The following ERC1 variants were observed in gnomAD, a reference collection of about 807,000 sequenced individuals.
The protein encoded by ERC1 is RAB6 interacting protein 2.
A neutral mutation model predicts 132.0 loss-of-function variants in ERC1; 56 were observed. The observed-to-expected ratio is 0.42, with a 90% CI of 0.34 to 0.53. ERC1 has a LOEUF of 0.53. ERC1 is among the 20% of genes least tolerant of loss of function. ERC1 has a pLI of 0.03. For synonymous variants in ERC1, 478 were observed against 476.1 expected, an observed-to-expected ratio of 1.00 and a Z score of -0.05; for missense variants, 1,202 against 1,349.9, an observed-to-expected ratio of 0.89 and a Z score of 1.72.
intron 8 of ERC1, among the ~76,000 whole-genome samples, chr12:1,173,935 G>A (rs1174953945): frequency 6.6e-6 from 1 of 151,898 alleles, no homozygotes; most frequent in African/African-American, 2.4e-5. Flanking sequence ...TGCAGTCAGT[G>A]GGGCTCAGCT....
intron 14 of ERC1, among the ~76,000 whole-genome samples, chr12:1,277,895 T>A (rs1296669082): frequency 3.3e-5 from 5 of 152,226 alleles, no homozygotes; most frequent in African/African-American, 9.6e-5. Context: ...CAGTTCACGA[T>A]CATCTTCTCT....
chr12:1,439,599 A>G lies in ERC1; in HGVS notation c.3025-4963A>G, dbSNP rs140870684. ...TTGGCATCATATTTGGTACAAGCAA[A>G]TATCATGACGAGTTCATTTTTTAAC... On this transcript the variant is annotated intron_variant, in intron 17 of 18. Coordinates refer to ENST00000360905, the MANE Select transcript of ERC1 (RefSeq NM_178040.4). Among the ~76,000 whole-genome samples the G allele has an allele frequency of 1.6e-3, 244 of 152,322 alleles. 1 individual carries two copies. The highest frequency in any genetic ancestry group is 1.0e-3 in the Non-Finnish European group (69 of 68,036).
chr12:1,464,876 A>G (rs1383458853), intron 18 of ERC1, among the ~76,000 whole-genome samples: 2 of 152,040 alleles, frequency 1.3e-5, no homozygotes, highest in African/African-American at 4.8e-5. Flanking sequence ...GGACTCTTTA[A>G]AAAAGAGTCC....
chr12:1,444,890 G>T (rs2093261695), intron 18 of ERC1, 140 bp downstream of exon 18: 2 of 651,426 alleles, frequency 3.1e-6, no homozygotes. Context: ...TCCCGTTGCT[G>T]TGTAGGTTCA....
rs780385206 is a variant in ERC1, at chr12:1,058,796, T to TTTG, written c.670-24366_670-24365insGTT. On this transcript the variant is annotated intron_variant, in intron 2 of 18. Transcript: ENST00000360905. ...GTTTGCTTTGGAAAGTATGTTTTTT[T>TTTG]TTTTTTTTTTTAAGAGACGAGGTCT... Among the ~76,000 whole-genome samples, 58 of 150,326 alleles carry TTTG rather than the reference T, an allele frequency of 3.9e-4. 1 individual carries two copies. Among genetic ancestry groups the TTTG allele is most frequent in the Non-Finnish European group, 7.7e-4 (52 of 67,544 alleles).
chr12:1,083,207 T>C lies in ERC1; in HGVS notation c.713T>C (p.Ile238Thr). 1 of 1,614,102 alleles carries C rather than the reference T, an allele frequency of 6.2e-7. No homozygotes were observed. Among genetic ancestry groups the C allele is most frequent in the South Asian group, 1.1e-5 (1 of 91,070 alleles). Residue 238 changes from isoleucine to threonine, a missense_variant, in exon 3 of 19, where the codon ATC (isoleucine) becomes ACC (threonine). By Grantham distance (89) the Ile-to-Thr change is moderately conservative. Coordinates refer to ENST00000360905, the MANE Select transcript of ERC1 (RefSeq NM_178040.4). ...TIQALQDELR[I>T]QRDLNQLFQQ... ...CAGGCTCTCCAGGATGAATTGCGGA[T>C]CCAGAGGGACCTGAATCAGCTGTTT...
At chr12:1,128,552 A>C (rs1403150464) in intron 7 of ERC1, among the ~76,000 whole-genome samples, 1 of 152,080 alleles carries the variant, frequency 6.6e-6, no homozygotes, top group African/African-American at 2.4e-5. Flanking sequence ...GCTGTTTAGT[A>C]CAGTGTGTTT....
chr12:1,053,467 C>T (rs770460186), intron 2 of ERC1, among the ~76,000 whole-genome samples: 1 of 152,110 alleles, frequency 6.6e-6, no homozygotes, highest in African/African-American at 2.4e-5. Flanking sequence ...GGAGCTAATG[C>T]TAGGATTCCC....
chr12:1,455,846 A>T (rs1477906556), intron 18 of ERC1, among the ~76,000 whole-genome samples: 1 of 152,230 alleles, frequency 6.6e-6, no homozygotes, highest in Non-Finnish European at 1.5e-5. Context: ...AGTTTTACAT[A>T]AACACTGTGT....
At chr12:1,290,605 T>A (rs2079378475) in intron 15 of ERC1, among the ~76,000 whole-genome samples, 1 of 152,258 alleles carries the variant, frequency 6.6e-6, no homozygotes, top group African/African-American at 2.4e-5. Flanking sequence ...ACATAGTAGA[T>A]GTTTCTTTTA....
intron 16 of ERC1, among the ~76,000 whole-genome samples, chr12:1,402,912 T>A (rs185233354): frequency 1.3e-5 from 2 of 149,694 alleles, no homozygotes; most frequent in African/African-American, 5.1e-5. Flanking sequence ...AACTGAACTC[T>A]CAGATTTTTT....
chr12:1,141,558 T>C, intron 7 of ERC1, 62 bp from the exon 8 acceptor site: 1 of 1,364,412 alleles, frequency 7.3e-7, no homozygotes, highest in Admixed American at 2.2e-5. Context: ...AACATATCTA[T>C]TTGAAAGGAA....
intron 2 of ERC1, among the ~76,000 whole-genome samples, chr12:1,075,809 C>A (rs1293421453): frequency 6.6e-6 from 1 of 152,142 alleles, no homozygotes; most frequent in East Asian, 1.9e-4. Context: ...TCACGAAGAT[C>A]TTCATCCTCA....
rs373155175 is a variant in ERC1, at chr12:1,432,061, G to A, written c.3025-12501G>A. Among the ~76,000 whole-genome samples the A allele has an allele frequency of 2.6e-5, 4 of 152,102 alleles. No homozygotes were observed. The East Asian group carries it at 5.8e-4, about 22-fold the overall frequency. On this transcript the variant is annotated intron_variant, in intron 17 of 18. Coordinates refer to ENST00000360905, the MANE Select transcript of ERC1 (RefSeq NM_178040.4). ...ACCCTGCTGACTTTTTAAACTTTTT[G>A]TAGAGTTGAGTCTCTGTGTTTTGCC...
Position 1,108,181 on chromosome 12 carries a change from C to G in ERC1, c.1162-2011C>G, listed in dbSNP as rs189858333. 4.1e-4 allele frequency among the ~76,000 whole-genome samples: 62 copies of G among 152,220 alleles called. 2 individuals are homozygous for G. ...CAGTCAGTACCTGCCTCCTGGTTTT[C>G]AGAGCTGGAGTCATGATCCCTTTTT... On this transcript the variant is annotated intron_variant, in intron 4 of 18. Coordinates refer to ENST00000360905, the MANE Select transcript of ERC1 (RefSeq NM_178040.4).
intron 18 of ERC1, among the ~76,000 whole-genome samples, chr12:1,453,117 A>G (rs1565469942): frequency 6.6e-6 from 1 of 152,178 alleles, no homozygotes; most frequent in Non-Finnish European, 1.5e-5. Context: ...AGGGTCGGGC[A>G]GGAGTGGCTT....
intron 15 of ERC1, among the ~76,000 whole-genome samples, chr12:1,347,658 T>A (rs2084606562): frequency 6.6e-6 from 1 of 152,188 alleles, no homozygotes; most frequent in Admixed American, 6.5e-5. Context: ...ATTGTCCTTT[T>A]TGCTCCCAGG....
intron 15 of ERC1, among the ~76,000 whole-genome samples, chr12:1,310,919 C>G (rs186983918): frequency 3.5e-3 from 540 of 152,344 alleles, no homozygotes; most frequent in Non-Finnish European, 4.9e-3. Flanking sequence ...ACAGGATGGA[C>G]CTTCTGCATA....
rs1967173280 is a variant in ERC1 at position 1,027,950 on chromosome 12, A to G, written c.47A>G (p.Gln16Arg). 6.2e-7 allele frequency: 1 copy of G among 1,613,348 alleles called. No individual in the cohort carries two copies. Among genetic ancestry groups the G allele is most frequent in the Non-Finnish European group, 8.5e-7 (1 of 1,179,466 alleles). ...RSVGKVEPSS[Q>R]SPGRSPRLPR... ...GTTGGGAAGGTGGAGCCGAGCAGCC[A>G]GAGCCCTGGGCGTTCACCCAGGCTT... The change falls in exon 2 of 19, where the codon CAG becomes CGG. Residue 16 changes from glutamine (Q) to arginine (R), a missense_variant. Gln to Arg is a conservative substitution (Grantham distance 43, BLOSUM62 1). Transcript: ENST00000360905.
Sources: allele counts gnomAD v4.1 joint callset (sites outside exome capture counted in the v4.1 genomes callset), GRCh38; gene constraint gnomAD v4.1.1; transcripts MANE v1.5; gene names NCBI Gene and HGNC (gene_info 2026-07-23, HGNC 2026-07-21).